Variants in TRAPPC8 observed in about 807,000 individuals in gnomAD.
The protein encoded by TRAPPC8 is general sporulation gene 1 homolog.
A neutral mutation model predicts 174.3 loss-of-function variants in TRAPPC8; 54 were observed. The ratio of observed to expected loss-of-function variants is 0.31; its 90% CI spans 0.25 to 0.39. The LOEUF (loss-of-function observed/expected upper bound fraction) is 0.39. Among genes scored for constraint, TRAPPC8 ranks in the 10% least tolerant of loss-of-function variants. The pLI, the probability that TRAPPC8 is intolerant of heterozygous loss-of-function variation, is 1.00. For missense variants in TRAPPC8, 1,531 were observed against 1,699.1 expected, an observed-to-expected ratio of 0.90 and a Z score of 1.74; for synonymous variants, 630 against 579.9, an observed-to-expected ratio of 1.09 and a Z score of -1.24.
At chr18:31,916,056 C>CAAAAA (rs34732342) in intron 4 of TRAPPC8, among the ~76,000 whole-genome samples, 1 of 87,926 alleles carries the variant, frequency 1.1e-5, no homozygotes, top group South Asian at 4.3e-4. Context: ...GACCTCGTCT[C>CAAAAA]AAAAAAAAAA....
intron 2 of TRAPPC8, among the ~76,000 whole-genome samples, chr18:31,921,297 G>A (rs1048436847): frequency 1.3e-5 from 2 of 151,952 alleles, no homozygotes; most frequent in East Asian, 3.9e-4. Context: ...GAAAGGAGAG[G>A]GATCGACCAA....
Position 31,846,742 on chromosome 18 carries a change from C to T in TRAPPC8, c.3811G>A (p.Glu1271Lys). ...TGTTTCTGAGGATATGAAAAGGCTT[C>T]TTTTCCTATAGTGCGAAGAATAACA... Reference protein sequence around the residue: ...HHVILRTIGKEAFSYPQKQEP... With the variant: ...HHVILRTIGKKAFSYPQKQEP... The change falls in exon 26 of 29, where the codon GAA (glutamate) becomes AAA (lysine). Residue 1271 changes from glutamate (E) to lysine (K), a missense_variant. Physicochemically the swap from Glu to Lys is moderately conservative, Grantham distance 56. Transcript: ENST00000283351. 1 of 1,612,506 alleles carries T rather than the reference C, an allele frequency of 6.2e-7. No homozygotes were observed. Among genetic ancestry groups the T allele is most frequent in the East Asian group, 2.2e-5 (1 of 44,870 alleles).
At chr18:31,933,961 GC>G (rs2037968372) in intron 1 of TRAPPC8, among the ~76,000 whole-genome samples, 1 of 152,070 alleles carries the variant, frequency 6.6e-6, no homozygotes, top group South Asian at 2.1e-4. Context: ...GCTGAAGCGG[GC>G]GGAACACTTG....
At chr18:31,847,155 A>G (rs920481136) in intron 25 of TRAPPC8, among the ~76,000 whole-genome samples, 6 of 152,228 alleles carry the variant, frequency 3.9e-5, no homozygotes, top group African/African-American at 1.4e-4. Flanking sequence ...CTACCAATAT[A>G]CAGCTAAAAG....
chr18:31,913,285 T>C lies in TRAPPC8; in HGVS notation c.771+84A>G, dbSNP rs572944843. ...AACTGACCAGATTCCACACAATTAA[T>C]ATGAATAATTATACTAGTTAAACCA... On this transcript the variant is annotated intron_variant, in intron 5 of 28. Transcript: ENST00000283351. 5.7e-6 allele frequency: 8 copies of C among 1,394,684 alleles called. 1 individual carries two copies. The highest frequency in any genetic ancestry group is 5.1e-5 in the Admixed American group (2 of 39,578). 86.4% of individuals were successfully genotyped at this position (1,394,684 alleles called of 1,614,324 possible). A position where few individuals can be genotyped will look rare whatever the true frequency, so the allele number is the denominator to read the frequency against.
rs568664743 is a variant in TRAPPC8, at chr18:31,940,000, A to G, written c.157+2608T>C. Among the ~76,000 whole-genome samples the G allele has an allele frequency of 2.6e-5, 4 of 152,366 alleles. No individual in the cohort carries two copies. In the South Asian group the frequency reaches 8.3e-4, roughly 32 times the overall value. On this transcript the variant is annotated intron_variant, in intron 1 of 28. Transcript: ENST00000283351. ...CCAATACAGTAGGCAACAGCTGCAT[A>G]TGGCTACTGAGTACTTGAAATGTGA...
At chr18:31,897,118 A>T (rs1055010550) in intron 11 of TRAPPC8, among the ~76,000 whole-genome samples, 12 of 152,270 alleles carry the variant, frequency 7.9e-5, no homozygotes, top group African/African-American at 2.9e-4. Context: ...CAAACAAAGG[A>T]GGTGTTTGAT....
chr18:31,916,253 A>T lies in TRAPPC8; in HGVS notation c.617+19T>A, dbSNP rs368189261. On this transcript the variant is annotated intron_variant, in intron 4 of 28. Coordinates refer to ENST00000283351, the MANE Select transcript of TRAPPC8 (RefSeq NM_014939.5). Reference sequence around the variant, plus strand: ...AATCATTTAACTGGAAAAAATTTAAAACTAAAATAAAAACTTACCTCTGTT... The same window carrying T: ...AATCATTTAACTGGAAAAAATTTAATACTAAAATAAAAACTTACCTCTGTT... The T allele has an allele frequency of 6.1e-4, 884 of 1,450,794 alleles. 14 individuals carry two copies. The South Asian group carries it at 0.013, about 22-fold the overall frequency. 89.9% of individuals were successfully genotyped at this position (1,450,794 alleles called of 1,614,324 possible).
chr18:31,881,541 T>A (rs1450223732), intron 12 of TRAPPC8, among the ~76,000 whole-genome samples: 3 of 151,878 alleles, frequency 2.0e-5, no homozygotes, highest in Admixed American at 2.0e-4. Context: ...TATAAAAAAA[T>A]CCTAGAAGAA....
At chr18:31,899,362 T>C (rs549818) in intron 10 of TRAPPC8, among the ~76,000 whole-genome samples, 103,637 of 152,092 alleles carry the variant, frequency 0.68, 36,530 homozygotes, top group African/African-American at 0.85. Context: ...AGATTTCTTC[T>C]GCATGGTGGC....
intron 6 of TRAPPC8, 102 bp downstream of exon 6, chr18:31,909,565 T>A: frequency 6.8e-7 from 1 of 1,464,338 alleles, no homozygotes; most frequent in African/African-American, 1.5e-5. Context: ...CTTTCTGTAT[T>A]ATGAAAAATT....
chr18:31,849,489 G>T, intron 25 of TRAPPC8, 77 bp downstream of exon 25: 1 of 1,189,446 alleles, frequency 8.4e-7, no homozygotes, highest in Non-Finnish European at 1.1e-6. Context: ...AATATAAATA[G>T]TAATATACGT....
chr18:31,842,174 T>C (rs928530150), intron 26 of TRAPPC8, among the ~76,000 whole-genome samples: 1 of 152,224 alleles, frequency 6.6e-6, no homozygotes, highest in Non-Finnish European at 1.5e-5. Context: ...ATAACACTTA[T>C]ATTGGTGATT....
intron 2 of TRAPPC8, among the ~76,000 whole-genome samples, chr18:31,923,998 A>C (rs2037501880): frequency 6.6e-6 from 1 of 152,098 alleles, no homozygotes; most frequent in Admixed American, 6.5e-5. Context: ...AAAATACAAA[A>C]ATTAGCCAGG....
At chr18:31,865,779 C>A (rs956437055) in intron 18 of TRAPPC8, among the ~76,000 whole-genome samples, 5 of 150,930 alleles carry the variant, frequency 3.3e-5, no homozygotes, top group Non-Finnish European at 7.4e-5. Context: ...TTTAAAAATG[C>A]AATAAATTAG....
At chr18:31,873,691 A>G in intron 13 of TRAPPC8, 153 bp from the exon 14 acceptor site, 1 of 550,674 alleles carries the variant, frequency 1.8e-6, no homozygotes, top group South Asian at 2.6e-5. Flanking sequence ...ATCAGTCATA[A>G]AATTTTACAA....
At chr18:31,885,884 T>C (rs1311043958) in intron 12 of TRAPPC8, among the ~76,000 whole-genome samples, 2 of 151,262 alleles carry the variant, frequency 1.3e-5, no homozygotes, top group African/African-American at 2.4e-5. Flanking sequence ...ATAAGAAATA[T>C]GTCCTAAGGT....
intron 10 of TRAPPC8, among the ~76,000 whole-genome samples, chr18:31,898,849 A>C (rs1276866668): frequency 6.6e-6 from 1 of 152,238 alleles, no homozygotes; most frequent in Non-Finnish European, 1.5e-5. Flanking sequence ...AACAGCAGCA[A>C]AAGTTTTTCT....
At chr18:31,925,919 A>G (rs966603660) in intron 2 of TRAPPC8, among the ~76,000 whole-genome samples, 1 of 152,184 alleles carries the variant, frequency 6.6e-6, no homozygotes, top group Non-Finnish European at 1.5e-5. Context: ...TTCCTCAAAA[A>G]TTTTATTTTC....
Sources: allele counts gnomAD v4.1 joint callset (sites outside exome capture counted in the v4.1 genomes callset), GRCh38; gene constraint gnomAD v4.1.1; transcripts MANE v1.5; gene names NCBI Gene and HGNC (gene_info 2026-07-23, HGNC 2026-07-21).